The following PRELID2 variants were observed in gnomAD, a reference collection of about 807,000 sequenced individuals.
PRELID2 encodes the protein PRELI domain containing 2, also known as PRELI domain-containing protein 2.
A neutral mutation model predicts 28.4 loss-of-function variants in PRELID2; 25 were observed. That is an observed-to-expected ratio of 0.88 (90% CI 0.64 to 1.23). PRELID2 has a LOEUF of 1.23. Ranked by LOEUF, PRELID2 falls within the 50% of genes most tolerant of loss-of-function variation. The pLI is 0.00. For missense variants in PRELID2, 201 were observed against 214.4 expected, an observed-to-expected ratio of 0.94 and a Z score of 0.39; for synonymous variants, 76 against 71.6, an observed-to-expected ratio of 1.06 and a Z score of -0.31.
chr5:145,809,980 T>C (rs1170189223), intron 4 of PRELID2, among the ~76,000 whole-genome samples: 1 of 152,092 alleles, frequency 6.6e-6, no homozygotes, highest in Admixed American at 6.5e-5. Context: ...AAAAGGGTAA[T>C]AAATAAGAAC....
intron 1 of PRELID2, among the ~76,000 whole-genome samples, chr5:145,734,631 G>C (rs1345447245): frequency 1.3e-5 from 2 of 152,148 alleles, no homozygotes; most frequent in African/African-American, 4.8e-5. Context: ...CACTAATCCA[G>C]CCAGCCAATC....
the PRELID2 span, among the ~76,000 whole-genome samples, chr5:145,321,703 A>C: frequency 6.6e-6 from 1 of 152,248 alleles, no homozygotes; most frequent in Non-Finnish European, 1.5e-5. Flanking sequence ...CCTTGGTAAA[A>C]CTAAGCCTTT....
chr5:145,392,661 C>T, the PRELID2 span, among the ~76,000 whole-genome samples: 7 of 149,144 alleles, frequency 4.7e-5, no homozygotes, highest in Non-Finnish European at 8.9e-5. Flanking sequence ...ATAGACATCA[C>T]ATAATGAAAG....
At chr5:145,643,240 T>C (rs1754138927) in intron 1 of PRELID2, among the ~76,000 whole-genome samples, 1 of 152,218 alleles carries the variant, frequency 6.6e-6, no homozygotes, top group African/African-American at 2.4e-5. Context: ...ATATCCCTTG[T>C]AAATTGGATT....
At chr5:145,333,760 C>T in the PRELID2 span, among the ~76,000 whole-genome samples, 7 of 148,744 alleles carry the variant, frequency 4.7e-5, no homozygotes, top group Non-Finnish European at 8.9e-5. Flanking sequence ...GCTTCAGCCC[C>T]CTTTTAAGGG....
At chr5:145,273,111 G>A in the PRELID2 span, among the ~76,000 whole-genome samples, 1 of 152,120 alleles carries the variant, frequency 6.6e-6, no homozygotes, top group African/African-American at 2.4e-5. Flanking sequence ...GGAAACCACT[G>A]AAAGATTTAA....
At chr5:145,401,754 GTA>G in the PRELID2 span, among the ~76,000 whole-genome samples, 696 of 152,034 alleles carry the variant, frequency 4.6e-3, 6 homozygotes, top group African/African-American at 0.015. Context: ...TTTTTGTTAT[GTA>G]TGTGTTTGAT....
Position 145,483,380 on chromosome 5 carries a change from G to T in PRELID2, n.71-10065C>A, listed in dbSNP as rs1024216202. 7.2e-4 allele frequency among the ~76,000 whole-genome samples: 110 copies of T among 152,270 alleles called. 1 individual carries two copies. Among genetic ancestry groups the T allele is most frequent in the African/African-American group, 2.6e-3 (107 of 41,564 alleles). ...GGAAGTGCAGGCTTGCTATGCAGAG[G>T]GTGAGGCTATTCTAGACTGCATCAT... On this transcript the variant is annotated intron_variant and non_coding_transcript_variant, in intron 1 of 2. Transcript: ENST00000510259.
chr5:145,754,841 A>C (rs1349081453), downstream of PRELID2, among the ~76,000 whole-genome samples: 2 of 152,198 alleles, frequency 1.3e-5, no homozygotes, highest in Non-Finnish European at 2.9e-5. Flanking sequence ...GAAAAAAATT[A>C]ATCTTGTTTG....
intron 1 of PRELID2, among the ~76,000 whole-genome samples, chr5:145,493,248 A>T (rs530541406): frequency 1.3e-5 from 2 of 151,358 alleles, no homozygotes; most frequent in East Asian, 3.9e-4. Flanking sequence ...CAGCTTTAAT[A>T]CTCCCTTCTC....
At chr5:145,364,408 T>G in the PRELID2 span, among the ~76,000 whole-genome samples, 1 of 152,032 alleles carries the variant, frequency 6.6e-6, no homozygotes. Context: ...AGTTACATAT[T>G]TGTTGAATTA....
intron 1 of PRELID2, among the ~76,000 whole-genome samples, chr5:145,654,560 G>C (rs1754357596): frequency 6.6e-6 from 1 of 152,130 alleles, no homozygotes; most frequent in Non-Finnish European, 1.5e-5. Flanking sequence ...ATGATCAACT[G>C]GGCTTCAGCC....
chr5:145,667,683 C>T (rs1420084032), intron 1 of PRELID2, among the ~76,000 whole-genome samples: 1 of 152,206 alleles, frequency 6.6e-6, no homozygotes, highest in Non-Finnish European at 1.5e-5. Context: ...CAAACTCCAT[C>T]TCTACTACCT....
chr5:145,402,065 C>T, the PRELID2 span, among the ~76,000 whole-genome samples: 4 of 152,160 alleles, frequency 2.6e-5, no homozygotes, highest in African/African-American at 7.2e-5. Flanking sequence ...TTATTCATCA[C>T]CTTTCATCCA....
chr5:145,622,915 G>C (rs1753791412), intron 1 of PRELID2, among the ~76,000 whole-genome samples: 1 of 151,678 alleles, frequency 6.6e-6, no homozygotes, highest in Non-Finnish European at 1.5e-5. Context: ...CTAGATATAA[G>C]ACATATAAAA....
At chr5:145,712,404 G>T (rs2149710848) in intron 1 of PRELID2, among the ~76,000 whole-genome samples, 1 of 152,160 alleles carries the variant, frequency 6.6e-6, no homozygotes, top group South Asian at 2.1e-4. Context: ...GTGACATCAT[G>T]TTGATAGTTT....
At chr5:145,527,139 G>A (rs528948130) in intron 1 of PRELID2, among the ~76,000 whole-genome samples, 3 of 152,288 alleles carry the variant, frequency 2.0e-5, no homozygotes, top group East Asian at 1.9e-4. Context: ...AAATGGCTGT[G>A]TCTATAAAAG....
At chr5:145,501,179 G>T (rs930649972) in intron 1 of PRELID2, among the ~76,000 whole-genome samples, 2 of 152,084 alleles carry the variant, frequency 1.3e-5, no homozygotes, top group African/African-American at 2.4e-5. Context: ...AATCAATGTT[G>T]TGTTAAAATC....
At chr5:145,698,664 T>C (rs188902430) in intron 1 of PRELID2, among the ~76,000 whole-genome samples, 80 of 152,302 alleles carry the variant, frequency 5.3e-4, no homozygotes, top group African/African-American at 1.9e-3. Context: ...TGTATCCCAT[T>C]CAAAGGAGTT....
Sources: allele counts gnomAD v4.1 joint callset (sites outside exome capture counted in the v4.1 genomes callset), GRCh38; gene constraint gnomAD v4.1.1; transcripts MANE v1.5; gene names NCBI Gene and HGNC (gene_info 2026-07-23, HGNC 2026-07-21).